Variants in ELP2 observed in about 807,000 individuals in gnomAD.
ELP2 encodes elongator acetyltransferase complex subunit 2.
Under a neutral mutation model 119.2 loss-of-function variants are expected in ELP2, and 90 were observed. The ratio of observed to expected loss-of-function variants is 0.75; its 90% CI spans 0.64 to 0.90. ELP2 has a LOEUF of 0.90. Among genes scored for constraint, ELP2 ranks in the 40% least tolerant of loss-of-function variants. The pLI is 0.00. For missense variants in ELP2, 921 were observed against 967.8 expected (o/e 0.95, Z 0.64); for synonymous variants, 339 against 331.0 (o/e 1.02, Z -0.26).
chr18:36,176,766 C>T lies in ELP2; in HGVS notation c.*2125C>T, dbSNP rs866299710. The T allele has an allele frequency of 1.3e-5, 2 of 152,092 alleles. No homozygotes were observed. The highest frequency in any genetic ancestry group is 2.9e-5 in the Non-Finnish European group (2 of 68,036). The allele number at this position is 152,092 out of a possible 1,614,324, so 9.4% of individuals were successfully genotyped here. On this transcript the variant is annotated 3_prime_UTR_variant, in exon 22 of 22. Coordinates refer to ENST00000358232, the MANE Select transcript of ELP2 (RefSeq NM_018255.4). ...ATTGTAGTAATTCATAATATTGAAG[C>T]GATTCATAATATCTGAAGCAATCCC...
At chr18:36,151,472 TC>T (rs1192819739) in intron 11 of ELP2, among the ~76,000 whole-genome samples, 2 of 152,180 alleles carry the variant, frequency 1.3e-5, no homozygotes, top group Non-Finnish European at 2.9e-5. Flanking sequence ...CAGGCGGGAC[TC>T]CCTTTGGTCC....
intron 6 of ELP2, among the ~76,000 whole-genome samples, chr18:36,141,832 AG>A (rs2090040645): frequency 1.3e-5 from 2 of 151,888 alleles, no homozygotes; most frequent in African/African-American, 4.8e-5. Flanking sequence ...TTGAGACCAC[AG>A]GCGTGTATCA....
intron 11 of ELP2, among the ~76,000 whole-genome samples, chr18:36,150,543 C>G (rs78392054): frequency 6.6e-6 from 1 of 152,132 alleles, no homozygotes; most frequent in African/African-American, 2.4e-5. Context: ...TGGAAATACT[C>G]TAGTCCAAAC....
At chr18:36,138,538 A>G in intron 4 of ELP2, 112 bp downstream of exon 4, 2 of 1,210,362 alleles carry the variant, frequency 1.7e-6, no homozygotes, top group Non-Finnish European at 2.3e-6. Flanking sequence ...CTTTAAAAAT[A>G]CTATAATTCT....
At chr18:36,156,851 A>G (rs2090590696) in intron 13 of ELP2, among the ~76,000 whole-genome samples, 197 bp downstream of exon 13, 2 of 152,202 alleles carry the variant, frequency 1.3e-5, no homozygotes, top group Non-Finnish European at 2.9e-5. Flanking sequence ...TTGTGTAGCA[A>G]ATGAGCTCAA....
chr18:36,166,521 G>A (rs1414832002), intron 18 of ELP2, among the ~76,000 whole-genome samples: 2 of 151,274 alleles, frequency 1.3e-5, no homozygotes, highest in African/African-American at 4.9e-5. Flanking sequence ...TAGTAGAGAC[G>A]GGGTTTCATC....
rs757313096 is a variant in ELP2, at chr18:36,133,329, C to T, written c.217+13C>T. The T allele has an allele frequency of 5.7e-6, 9 of 1,590,968 alleles. No homozygotes were observed. The Admixed American group carries it at 1.3e-4, about 24-fold the overall frequency. On this transcript the variant is annotated intron_variant, in intron 2 of 21. Coordinates refer to ENST00000358232, the MANE Select transcript of ELP2 (RefSeq NM_018255.4). ...AAACAGGATGGCTGTAAGTATTAACCAGATTTTAAAGTTGATCTCAATTGT... is the reference window on the plus strand; with the variant it reads ...AAACAGGATGGCTGTAAGTATTAACTAGATTTTAAAGTTGATCTCAATTGT...
Position 36,148,618 on chromosome 18 carries a change from G to A in ELP2, c.1125+2237G>A, listed in dbSNP as rs543424233. Among the ~76,000 whole-genome samples the A allele has an allele frequency of 5.9e-5, 9 of 152,280 alleles. No homozygotes were observed. In the East Asian group the frequency reaches 1.7e-3, roughly 29 times the overall value. ...TCATGCTGGTAATCCCAGCACTTTG[G>A]GAGGCCAAGGCGGGAGGATTATTTG... On this transcript the variant is annotated intron_variant, in intron 11 of 21. Coordinates refer to ENST00000358232, the MANE Select transcript of ELP2 (RefSeq NM_018255.4).
At chr18:36,138,676 G>A in intron 4 of ELP2, 119 bp from the exon 5 acceptor site, 1 of 956,730 alleles carries the variant, frequency 1.0e-6, no homozygotes, top group East Asian at 2.4e-5. Context: ...TGGGGGCTCA[G>A]GATTGACTTC....
rs763479571 is a variant in ELP2, at chr18:36,159,780, G to T, written c.1580G>T (p.Ser527Ile). Residue 527 changes from serine (S) to isoleucine (I), a missense_variant, in exon 15 of 22, where the codon AGT becomes ATT. By Grantham distance (142) the Ser-to-Ile change is moderately radical. Transcript: ENST00000358232. ...TCTGATGAAGAGGAGCTGTTAACTA[G>T]TACTGGTTTTGAGTATCAGCAGGTG... ...QPSDEEELLTSTGFEYQQVAF... is the reference protein window; with the variant it reads ...QPSDEEELLTITGFEYQQVAF... The T allele has an allele frequency of 4.2e-5, 68 of 1,613,956 alleles. No homozygotes were observed. The highest frequency in any genetic ancestry group is 5.7e-5 in the Non-Finnish European group (67 of 1,179,984).
rs201977263 is a variant in ELP2, at chr18:36,174,506, C to G, written c.2346C>G (p.Ile782Met). The G allele has an allele frequency of 1.9e-6, 3 of 1,613,896 alleles. No individual in the cohort carries two copies. The highest frequency in any genetic ancestry group is 2.5e-6 in the Non-Finnish European group (3 of 1,179,970). The change falls in exon 22 of 22, where the codon ATC becomes ATG. Residue 782 changes from isoleucine (I) to methionine (M), a missense_variant. Ile to Met is a conservative substitution (Grantham distance 10, BLOSUM62 1). Transcript: ENST00000358232. Reference protein sequence around the residue: ...TSQSQSHTLAIRKLCWKNCSG... With the variant: ...TSQSQSHTLAMRKLCWKNCSG... ...TTAGCCAAAGTCATACACTGGCTAT[C>G]AGAAAATTATGCTGGAAGAATTGCA... is the stretch of plus-strand genomic sequence containing the variant.
At chr18:36,144,238 A>G (rs1349733737) in intron 8 of ELP2, among the ~76,000 whole-genome samples, 1 of 152,170 alleles carries the variant, frequency 6.6e-6, no homozygotes, top group East Asian at 1.9e-4. Flanking sequence ...TTCTATTTTC[A>G]TTATATTGTT....
chr18:36,130,638 CCAGT>C (rs1385717444), intron 1 of ELP2, among the ~76,000 whole-genome samples: 1 of 152,062 alleles, frequency 6.6e-6, no homozygotes, highest in Non-Finnish European at 1.5e-5. Context: ...TCGACTTCAC[CCAGT>C]CAGTTGGTTA....
Position 36,177,667 on chromosome 18 carries a change from T to G in ELP2, c.*3026T>G, listed in dbSNP as rs531126459. The stretch of plus-strand genomic sequence containing the variant: ...ATCTTATCTTTATTTTACCACAGTT[T>G]TTTTTAAAGCATGGTAAACACCATT... On this transcript the variant is annotated 3_prime_UTR_variant, in exon 22 of 22. Transcript: ENST00000358232. The G allele has an allele frequency of 1.2e-4, 19 of 152,306 alleles. No individual in the cohort carries two copies. Among genetic ancestry groups the G allele is most frequent in the African/African-American group, 4.3e-4 (18 of 41,556 alleles). The allele number at this position is 152,306 out of a possible 1,614,324, so 9.4% of individuals were successfully genotyped here.
intron 1 of ELP2, among the ~76,000 whole-genome samples, chr18:36,130,925 T>C (rs904508170): frequency 6.6e-6 from 1 of 152,128 alleles, no homozygotes; most frequent in African/African-American, 2.4e-5. Context: ...CCCGGCACTT[T>C]GGGAGGCAGA....
At chr18:36,133,717 C>CTTAT (rs879392504) in intron 2 of ELP2, among the ~76,000 whole-genome samples, 2 of 119,600 alleles carry the variant, frequency 1.7e-5, no homozygotes, top group African/African-American at 5.8e-5. Context: ...CTTTTATTTA[C>CTTAT]TTATTTATTT....
rs750082974 is a variant in ELP2, at chr18:36,180,347, T to G, written c.*5706T>G. ...GAGAAGCTGGGAAATTAAATCTTTA[T>G]TGCAGATGCCCATGTGCTCAGCAGA... On this transcript the variant is annotated 3_prime_UTR_variant, in exon 22 of 22. Transcript: ENST00000358232. The G allele has an allele frequency of 1.3e-5, 2 of 152,236 alleles. No homozygotes were observed. Among genetic ancestry groups the G allele is most frequent in the Non-Finnish European group, 2.9e-5 (2 of 68,052 alleles). 9.4% of individuals were successfully genotyped at this position (152,236 alleles called of 1,614,324 possible). A position where few individuals can be genotyped will look rare whatever the true frequency, so the allele number is the denominator to read the frequency against.
Position 36,179,508 on chromosome 18 carries a change from A to T in ELP2, c.*4867A>T, listed in dbSNP as rs1318383665. 1.4e-5 allele frequency: 2 copies of T among 141,176 alleles called. No individual in the cohort carries two copies. Among genetic ancestry groups the T allele is most frequent in the African/African-American group, 5.2e-5 (2 of 38,408 alleles). The allele number at this position is 141,176 out of a possible 1,614,324, so 8.7% of individuals were successfully genotyped here. ...AAAAAAAAAAAAAAAAAAATCTGGG[A>T]CCCAGTACTGAGTGAAGACACCAGA... On this transcript the variant is annotated 3_prime_UTR_variant, in exon 22 of 22. Coordinates refer to ENST00000358232, the MANE Select transcript of ELP2 (RefSeq NM_018255.4).
intron 18 of ELP2, 49 bp downstream of exon 18, chr18:36,164,716 A>G: frequency 6.5e-7 from 1 of 1,547,598 alleles, no homozygotes; most frequent in Non-Finnish European, 8.9e-7. Context: ...AGTTATGTTC[A>G]TTTTATCTAC....
Sources: allele counts gnomAD v4.1 joint callset (sites outside exome capture counted in the v4.1 genomes callset), GRCh38; gene constraint gnomAD v4.1.1; transcripts MANE v1.5; gene names NCBI Gene and HGNC (gene_info 2026-07-23, HGNC 2026-07-21).